DGKD: variants seen among roughly 807,000 people sequenced by gnomAD.
DGKD encodes the protein DAG kinase delta.
DGKD carries 68 observed loss-of-function variants against 154.4 expected under a neutral mutation model. That is an observed-to-expected ratio of 0.44 (90% CI 0.36 to 0.54). The LOEUF (loss-of-function observed/expected upper bound fraction) is 0.54, where lower values mean the gene tolerates loss of function less well. DGKD is among the 20% of genes least tolerant of loss of function. DGKD has a pLI of 0.00. For missense variants in DGKD, 1,343 were observed against 1,593.6 expected (o/e 0.84, Z 2.68); for synonymous variants, 693 against 638.0 (o/e 1.09, Z -1.30).
In DGKD at chr2:233,354,657, G is replaced by A; in HGVS notation, c.139G>A (p.Gly47Ser). The A allele has an allele frequency of 9.5e-7, 1 of 1,056,208 alleles. No individual in the cohort carries two copies. The highest frequency in any genetic ancestry group is 1.7e-5 in the African/African-American group (1 of 58,128). The allele number at this position is 1,056,208 out of a possible 1,614,324, so 65.4% of individuals were successfully genotyped here. ...GCTCATCCGCAAGGTGTCCACGTCG[G>A]GTCAGATCCGACAGAAGGTGAGCCC... ...QKLIRKVSTS[G>S]QIRQKTIIKE... Residue 47 changes from glycine to serine, a missense_variant, in exon 1 of 30, where the codon GGT becomes AGT. Physicochemically the swap from Gly to Ser is moderately conservative, Grantham distance 56. Coordinates refer to ENST00000264057, the MANE Select transcript of DGKD (RefSeq NM_152879.3). This position sits in a 1 kb window ranked among gnomAD's most constrained non-coding sequence, Gnocchi z 4.8.
At chr2:233,444,724 A>G (rs547694594) in intron 10 of DGKD, among the ~76,000 whole-genome samples, 1 of 150,422 alleles carries the variant, frequency 6.6e-6, no homozygotes, top group South Asian at 2.2e-4. Context: ...TTGGTGAGGC[A>G]GGACCTTCCC....
intron 3 of DGKD, among the ~76,000 whole-genome samples, chr2:233,401,270 G>C (rs926464427): frequency 9.2e-5 from 14 of 152,156 alleles, no homozygotes; most frequent in African/African-American, 3.1e-4. Flanking sequence ...ATATGTGTTT[G>C]TGCCTATTAA....
chr2:233,415,722 C>G (rs949634105), intron 3 of DGKD, among the ~76,000 whole-genome samples: 6 of 152,160 alleles, frequency 3.9e-5, no homozygotes, highest in Admixed American at 3.9e-4. Flanking sequence ...CTCCTGGGCT[C>G]AAGTGATTCC....
At chr2:233,435,036 C>T in intron 5 of DGKD, 135 bp downstream of exon 5, 4 of 1,210,768 alleles carry the variant, frequency 3.3e-6, no homozygotes, top group Admixed American at 2.4e-5. Context: ...ACAGCGATTT[C>T]TGTGATGCCA....
intron 1 of DGKD, among the ~76,000 whole-genome samples, chr2:233,369,887 G>A (rs1702226580): frequency 1.3e-5 from 2 of 152,162 alleles, no homozygotes; most frequent in South Asian, 4.1e-4. Flanking sequence ...GGTAAAGGGT[G>A]TCTGCCTCCC....
At chr2:233,455,510 A>G (rs2063432504) in intron 19 of DGKD, among the ~76,000 whole-genome samples, 1 of 152,186 alleles carries the variant, frequency 6.6e-6, no homozygotes, top group Non-Finnish European at 1.5e-5. Context: ...GTGAGGGAGA[A>G]ATGTCTCCCT....
In DGKD at chr2:233,471,210, G is replaced by T. The variant is rs1386612966; in HGVS notation, c.*1750G>T. The stretch of plus-strand genomic sequence containing the variant: ...AGCCTCCTGTCGCTGCATGCGACGT[G>T]TTGGGATTTTTGGATGAAAGACTCT... On this transcript the variant is annotated 3_prime_UTR_variant, in exon 30 of 30. Coordinates refer to ENST00000264057, the MANE Select transcript of DGKD (RefSeq NM_152879.3). 1 of 152,440 alleles carries T rather than the reference G, an allele frequency of 6.6e-6. No homozygotes were observed. Among genetic ancestry groups the T allele is most frequent in the African/African-American group, 2.4e-5 (1 of 41,482 alleles). 9.4% of individuals were successfully genotyped at this position (152,440 alleles called of 1,614,324 possible).
At chr2:233,416,930 G>A (rs143322277) in intron 3 of DGKD, among the ~76,000 whole-genome samples, 237 of 152,360 alleles carry the variant, frequency 1.6e-3, no homozygotes, top group African/African-American at 5.5e-3. Context: ...CCCTGGACAT[G>A]AAGCTTCTGG....
intron 3 of DGKD, among the ~76,000 whole-genome samples, chr2:233,429,601 A>T (rs1330834168): frequency 6.6e-6 from 1 of 152,140 alleles, no homozygotes. Context: ...CTGTGAGGGG[A>T]GGAACTTTGC....
Position 233,354,936 on chromosome 2 carries a change from T to A in DGKD, c.156+262T>A, listed in dbSNP as rs1394346828. ...GGTGGGCGCCCCGGGCGCCGCGCGC[T>A]GGGCGGGGGGCGCGCGCCGAGTTGG... On this transcript the variant is annotated intron_variant, in intron 1 of 29. Transcript: ENST00000264057. The surrounding 1 kb of genome is among the most constrained non-coding windows in gnomAD (Gnocchi z 4.8). Among the ~76,000 whole-genome samples, 1 of 146,454 alleles carries A rather than the reference T, an allele frequency of 6.8e-6. No individual in the cohort carries two copies. The highest frequency in any genetic ancestry group is 2.5e-5 in the African/African-American group (1 of 40,264).
intron 17 of DGKD, 109 bp downstream of exon 17, chr2:233,451,159 G>C: frequency 8.6e-6 from 7 of 817,508 alleles, no homozygotes; most frequent in East Asian, 1.0e-4. Context: ...AGGCCCCTGA[G>C]AAAGATAGGT....
chr2:233,454,917 TGGCTTCTCCTTC>T (rs2124901028), intron 19 of DGKD, 44 bp downstream of exon 19: 2 of 1,245,064 alleles, frequency 1.6e-6, no homozygotes, highest in East Asian at 4.7e-5. Context: ...TGCGTCTTTG[TGGCTTCTCCTTC>T]CAGACAGTAG....
rs112861398 is a variant in DGKD at position 233,434,914 on chromosome 2, G to A, written c.586+13G>A. On this transcript the variant is annotated intron_variant, in intron 5 of 29. Transcript: ENST00000264057. Reference sequence around the variant, plus strand: ...CTGTCCTGCGAGGGTACGGATGTGCGTTTGTTATTCTGTCAGGAAAGGTGG... The same window carrying A: ...CTGTCCTGCGAGGGTACGGATGTGCATTTGTTATTCTGTCAGGAAAGGTGG... The A allele has an allele frequency of 2.3e-5, 37 of 1,601,356 alleles. No individual in the cohort carries two copies. Among genetic ancestry groups the A allele is most frequent in the African/African-American group, 1.7e-4 (13 of 74,626 alleles).
intron 1 of DGKD, among the ~76,000 whole-genome samples, chr2:233,377,992 G>A (rs752184638): frequency 2.5e-4 from 38 of 151,892 alleles, no homozygotes; most frequent in Admixed American, 4.6e-4. Context: ...ATTATTTTTT[G>A]TAGAGACAGG....
intron 3 of DGKD, among the ~76,000 whole-genome samples, chr2:233,418,390 A>C (rs979974092): frequency 1.4e-4 from 22 of 152,144 alleles, no homozygotes; most frequent in African/African-American, 4.8e-4. Flanking sequence ...CCCAATCTCT[A>C]GTTTTCTCAC....
chr2:233,396,324 T>G (rs1704023456), intron 3 of DGKD, among the ~76,000 whole-genome samples: 1 of 152,208 alleles, frequency 6.6e-6, no homozygotes, highest in African/African-American at 2.4e-5. Flanking sequence ...CTCTTACACT[T>G]GAAAAAACGA....
At position 233,454,344 on chromosome 2, in the gene DGKD, C is replaced by T. The variant is rs774179600; in HGVS notation, c.2265-419C>T. On this transcript the variant is annotated intron_variant, in intron 18 of 29. Coordinates refer to ENST00000264057, the MANE Select transcript of DGKD (RefSeq NM_152879.3). Reference sequence around the variant, plus strand: ...TAACATGGATGAACTTTGAAAACATCGTCCTGAGGAAGAGAAAGGAGCCAG... The same window carrying T: ...TAACATGGATGAACTTTGAAAACATTGTCCTGAGGAAGAGAAAGGAGCCAG... 130 of 468,082 alleles carry T rather than the reference C, an allele frequency of 2.8e-4. 1 individual carries two copies. Among genetic ancestry groups the T allele is most frequent in the South Asian group, 1.6e-3 (105 of 63,732 alleles). The allele number at this position is 468,082 out of a possible 1,614,324, so 29.0% of individuals were successfully genotyped here. A position where few individuals can be genotyped will look rare whatever the true frequency, so the allele number is the denominator to read the frequency against.
At chr2:233,451,106 GTCAAAC>G in intron 17 of DGKD, 56 bp downstream of exon 17, 2 of 1,499,526 alleles carry the variant, frequency 1.3e-6, no homozygotes. Context: ...CACTGGTCCC[GTCAAAC>G]TGAAAGAGAT....
chr2:233,355,259 G>C (rs1026145007), intron 1 of DGKD, among the ~76,000 whole-genome samples: 1 of 152,198 alleles, frequency 6.6e-6, no homozygotes, highest in Non-Finnish European at 1.5e-5. Context: ...CAGCAAAGCC[G>C]GGACCGCGCA....
Sources: gnomAD v4.1 joint callset for allele counts (sites outside exome capture counted in the v4.1 genomes callset) on GRCh38, gnomAD v4.1.1 for gene constraint, Gnocchi (gnomAD v3.1) non-coding constraint, MANE v1.5 for transcripts, NCBI Gene and HGNC (gene_info 2026-07-23, HGNC 2026-07-21) for gene names.